Variants in CELF2 observed in about 807,000 individuals in gnomAD.
CELF2 encodes CUG triplet repeat RNA-binding protein 2.
CELF2 carries 8 observed loss-of-function variants against 62.6 expected under a neutral mutation model. That is an observed-to-expected ratio of 0.13 (90% confidence interval 0.07 to 0.23). The LOEUF (loss-of-function observed/expected upper bound fraction) is 0.23. Ranked by LOEUF, CELF2 falls within the 10% of genes least tolerant of loss-of-function variation. The pLI, the probability that CELF2 is intolerant of heterozygous loss-of-function variation, is 1.00. For synonymous variants in CELF2, 258 were observed against 250.0 expected (o/e 1.03, Z -0.30); for missense variants, 333 against 671.0 (o/e 0.50, Z 5.56).
chr10:11,174,619 C>T (rs999679560), intron 2 of CELF2, among the ~76,000 whole-genome samples: 2 of 152,196 alleles, frequency 1.3e-5, no homozygotes, highest in Admixed American at 1.3e-4. Context: ...AGAATATTTA[C>T]TCACCACACT....
the CELF2 span, among the ~76,000 whole-genome samples, chr10:10,774,843 G>A: frequency 6.6e-6 from 1 of 151,736 alleles, no homozygotes; most frequent in Admixed American, 6.6e-5. Context: ...CCTCTTGGGT[G>A]AGCTGATATT....
chr10:10,852,005 G>A (rs2059410733), intron 1 of CELF2, among the ~76,000 whole-genome samples: 1 of 152,228 alleles, frequency 6.6e-6, no homozygotes, highest in East Asian at 1.9e-4. Context: ...TGGTGGGAAT[G>A]TAAAATGCTA....
rs535766071 is a variant in CELF2, at chr10:10,931,031, T to C, written c.89+11032T>C. On this transcript the variant is annotated intron_variant, in intron 2 of 13. Transcript: ENST00000636488. The surrounding 1 kb of genome is among the most constrained non-coding windows in gnomAD (Gnocchi z 6.1). ...TGGCTTCCACTGATGTTTGGGATTGTCGAGCTACCAAGAACACATAAATTA... is the reference window on the plus strand; with the variant it reads ...TGGCTTCCACTGATGTTTGGGATTGCCGAGCTACCAAGAACACATAAATTA... Among the ~76,000 whole-genome samples, 124 of 152,376 alleles carry C rather than the reference T, an allele frequency of 8.1e-4. No individual in the cohort carries two copies. In the Middle Eastern group the frequency reaches 0.02, roughly 25 times the overall value.
chr10:11,091,304 G>A (rs996514855), intron 1 of CELF2, among the ~76,000 whole-genome samples: 4 of 152,168 alleles, frequency 2.6e-5, no homozygotes, highest in Non-Finnish European at 5.9e-5. Flanking sequence ...TCCAGGACAG[G>A]GGAGGTAAGG....
At chr10:10,888,656 C>T (rs1198197527) in intron 1 of CELF2, among the ~76,000 whole-genome samples, 1 of 152,202 alleles carries the variant, frequency 6.6e-6, no homozygotes. Context: ...ATGCCCCAGG[C>T]TTGAGCAGTG....
At chr10:11,166,134 T>G (rs2067085416) in intron 2 of CELF2, among the ~76,000 whole-genome samples, 1 of 152,198 alleles carries the variant, frequency 6.6e-6, no homozygotes, top group African/African-American at 2.4e-5. Context: ...CTAGGTAGCT[T>G]ATAAACAGTT....
chr10:10,712,356 A>G, the CELF2 span, among the ~76,000 whole-genome samples: 9,739 of 152,100 alleles, frequency 0.064, 399 homozygotes, highest in Middle Eastern at 0.13. Context: ...GGTTGACTAC[A>G]CGCTTCTCTA....
At chr10:11,186,486 T>G (rs1192783335) in intron 2 of CELF2, among the ~76,000 whole-genome samples, 1 of 152,152 alleles carries the variant, frequency 6.6e-6, no homozygotes. Context: ...CTAAGTACCA[T>G]TTTACCTACA....
At chr10:10,882,491 T>G (rs1434234044) in intron 1 of CELF2, among the ~76,000 whole-genome samples, 1 of 152,228 alleles carries the variant, frequency 6.6e-6, no homozygotes, top group Admixed American at 6.5e-5. Flanking sequence ...ATTGGTTTAA[T>G]CCTCATTCAT....
At chr10:10,829,999 C>T (rs1186899463) in intron 1 of CELF2, among the ~76,000 whole-genome samples, 1 of 149,006 alleles carries the variant, frequency 6.7e-6, no homozygotes, top group East Asian at 2.0e-4. Context: ...CCCCCACCAA[C>T]CCCACCACCA....
intron 1 of CELF2, among the ~76,000 whole-genome samples, chr10:11,070,471 T>C (rs1050066723): frequency 9.9e-5 from 15 of 152,158 alleles, no homozygotes; most frequent in Non-Finnish European, 1.6e-4. Flanking sequence ...AAAGTGATGA[T>C]GGCATTTGAG....
At chr10:10,652,811 C>T in the CELF2 span, among the ~76,000 whole-genome samples, 1 of 151,872 alleles carries the variant, frequency 6.6e-6, no homozygotes, top group Non-Finnish European at 1.5e-5. Flanking sequence ...GAAACTGCAT[C>T]AACTAAAGAG....
chr10:10,479,006 C>T, the CELF2 span, among the ~76,000 whole-genome samples: 1 of 152,194 alleles, frequency 6.6e-6, no homozygotes, highest in Non-Finnish European at 1.5e-5. Flanking sequence ...CTTCTCCTGG[C>T]ATTATCTGAC....
intron 2 of CELF2, among the ~76,000 whole-genome samples, chr10:11,176,307 T>C (rs1490517659): frequency 1.3e-5 from 2 of 152,194 alleles, no homozygotes; most frequent in Non-Finnish European, 2.9e-5. Context: ...AAATGTACAG[T>C]CCTCTTATTA....
In CELF2 at chr10:10,928,880, A is replaced by G. The variant is rs1406867063; in HGVS notation, c.89+8881A>G. Among the ~76,000 whole-genome samples the G allele has an allele frequency of 1.2e-4, 19 of 152,248 alleles. No homozygotes were observed. Among genetic ancestry groups the G allele is most frequent in the Admixed American group, 1.2e-3 (18 of 15,284 alleles). The stretch of plus-strand genomic sequence containing the variant: ...CCCAGTGCCTAGCAGTGCCTGGAAC[A>G]TAGTAGGCACGAATAAATATTTGCA... On this transcript the variant is annotated intron_variant, in intron 2 of 13. Transcript: ENST00000636488. This position sits in a 1 kb window ranked among gnomAD's most constrained non-coding sequence, Gnocchi z 4.8.
chr10:10,540,253 C>T, the CELF2 span, among the ~76,000 whole-genome samples: 1 of 152,288 alleles, frequency 6.6e-6, no homozygotes, highest in South Asian at 2.1e-4. Flanking sequence ...ATCAGCCATC[C>T]ACTCACAGAC....
the CELF2 span, among the ~76,000 whole-genome samples, chr10:10,713,253 T>G: frequency 5.5e-4 from 83 of 152,224 alleles, no homozygotes; most frequent in Non-Finnish European, 9.7e-4. Flanking sequence ...TTACTCATAA[T>G]GTCTATTCCT....
chr10:10,786,503 A>C, the CELF2 span: 6 of 152,034 alleles, frequency 3.9e-5, no homozygotes, highest in African/African-American at 1.4e-4. Context: ...ATTCCTAGAA[A>C]GGGTTAATTC....
At chr10:10,881,088 G>A (rs1008165305) in intron 1 of CELF2, among the ~76,000 whole-genome samples, 30 of 152,084 alleles carry the variant, frequency 2.0e-4, no homozygotes, top group African/African-American at 7.0e-4. Flanking sequence ...GTTTAATTTT[G>A]CAACTTCACT....
Sources: gnomAD v4.1 joint callset for allele counts (sites outside exome capture counted in the v4.1 genomes callset) on GRCh38, gnomAD v4.1.1 for gene constraint, Gnocchi (gnomAD v3.1) non-coding constraint, MANE v1.5 for transcripts, NCBI Gene and HGNC (gene_info 2026-07-23, HGNC 2026-07-21) for gene names.